The following COL23A1 variants were observed in gnomAD, a reference collection of about 807,000 sequenced individuals.
COL23A1 encodes the protein collagen type XXIII alpha 1 chain.
Under a neutral mutation model 99.3 loss-of-function variants are expected in COL23A1, and 97 were observed. The ratio of observed to expected loss-of-function variants is 0.98; its 90% CI spans 0.83 to 1.16. The LOEUF is 1.16. COL23A1 is among the 50% of genes most tolerant of loss of function. COL23A1 has a pLI of 0.00. For synonymous variants in COL23A1, 320 were observed against 308.2 expected (o/e 1.04, Z -0.40); for missense variants, 762 against 757.4 (o/e 1.01, Z -0.07).
intron 2 of COL23A1, among the ~76,000 whole-genome samples, chr5:178,554,367 C>T (rs1326913831): frequency 1.3e-5 from 2 of 152,018 alleles, no homozygotes; most frequent in South Asian, 2.1e-4. Flanking sequence ...TTAGTAGAGA[C>T]GGGGTTTCGC....
At chr5:178,495,370 A>G (rs1030290344) in intron 2 of COL23A1, among the ~76,000 whole-genome samples, 1 of 152,274 alleles carries the variant, frequency 6.6e-6, no homozygotes, top group African/African-American at 2.4e-5. Context: ...AGTCAAGGGC[A>G]TAGAGGATGG....
chr5:178,485,387 ATTGT>A (rs1348370016), intron 2 of COL23A1, among the ~76,000 whole-genome samples: 2 of 151,622 alleles, frequency 1.3e-5, no homozygotes, highest in Non-Finnish European at 2.9e-5. Context: ...AGGTGGGAGG[ATTGT>A]TTGAGCCCAG....
intron 2 of COL23A1, among the ~76,000 whole-genome samples, chr5:178,500,705 G>C (rs902092663): frequency 4.0e-5 from 6 of 148,888 alleles, no homozygotes; most frequent in African/African-American, 1.2e-4. Context: ...ATCAATTCCA[G>C]GTAGATAAAC....
In COL23A1 at chr5:178,242,202, A is replaced by T. The variant is rs572065247; in HGVS notation, c.1495-74T>A. On this transcript the variant is annotated intron_variant, in intron 26 of 28. Transcript: ENST00000390654. ...GAACCTCCAACATCTCTCCGAGAGA[A>T]GCGCGTGGGGCCAGCCTCCCCCTGC... 11 of 1,475,362 alleles carry T rather than the reference A, an allele frequency of 7.5e-6. No individual in the cohort carries two copies. In the African/African-American group the frequency reaches 1.5e-4, roughly 21 times the overall value. 91.4% of individuals were successfully genotyped at this position (1,475,362 alleles called of 1,614,324 possible). A position where few individuals can be genotyped will look rare whatever the true frequency, so the allele number is the denominator to read the frequency against.
intron 2 of COL23A1, among the ~76,000 whole-genome samples, chr5:178,409,323 T>C (rs902526216): frequency 6.6e-6 from 1 of 152,186 alleles, no homozygotes; most frequent in African/African-American, 2.4e-5. Context: ...ATGCCACACA[T>C]GGTATAATTC....
intron 25 of COL23A1, among the ~76,000 whole-genome samples, chr5:178,245,736 T>A (rs1019220511): frequency 4.6e-5 from 7 of 152,170 alleles, no homozygotes; most frequent in African/African-American, 1.7e-4. Context: ...TATCCATCCA[T>A]CAACAATCCA....
chr5:178,375,549 G>A (rs1039167516), intron 2 of COL23A1, among the ~76,000 whole-genome samples: 1 of 152,148 alleles, frequency 6.6e-6, no homozygotes. Context: ...GCGTGGTCCC[G>A]CCCTGCCCCT....
chr5:178,342,333 T>A (rs924044592), intron 2 of COL23A1, among the ~76,000 whole-genome samples: 1 of 152,192 alleles, frequency 6.6e-6, no homozygotes, highest in Admixed American at 6.5e-5. Context: ...CTGGCATCCT[T>A]TTTCTCAGGC....
At chr5:178,283,015 C>G (rs574967203) in intron 5 of COL23A1, among the ~76,000 whole-genome samples, 2 of 152,236 alleles carry the variant, frequency 1.3e-5, no homozygotes, top group South Asian at 2.1e-4. Flanking sequence ...GGACTACAGG[C>G]ATGTACCACC....
intron 2 of COL23A1, among the ~76,000 whole-genome samples, chr5:178,343,663 A>ATATATATT (rs1554141722): frequency 2.2e-5 from 3 of 134,372 alleles, no homozygotes; most frequent in African/African-American, 8.1e-5. Flanking sequence ...ATATATATAT[A>ATATATATT]TTTTTTTTTT....
At chr5:178,504,193 G>A (rs1033155683) in intron 2 of COL23A1, among the ~76,000 whole-genome samples, 1 of 151,866 alleles carries the variant, frequency 6.6e-6, no homozygotes, top group African/African-American at 2.4e-5. Context: ...CCATACAATC[G>A]CACCCCCGAC....
At chr5:178,273,112 CTG>C (rs1756387054) in intron 5 of COL23A1, among the ~76,000 whole-genome samples, 1 of 152,222 alleles carries the variant, frequency 6.6e-6, no homozygotes, top group South Asian at 2.1e-4. Flanking sequence ...TCGGAAACCT[CTG>C]TTAAATCCTC....
chr5:178,290,540 G>A (rs1757399398), intron 3 of COL23A1, among the ~76,000 whole-genome samples, 171 bp from the exon 4 acceptor site: 1 of 152,214 alleles, frequency 6.6e-6, no homozygotes, highest in African/African-American at 2.4e-5. Flanking sequence ...TGGGGGCAGA[G>A]CAGAAGGAGC....
At chr5:178,315,761 A>C (rs60208122) in intron 2 of COL23A1, among the ~76,000 whole-genome samples, 3,871 of 82,626 alleles carry the variant, frequency 0.047, 131 homozygotes, top group African/African-American at 0.14. Context: ...AGAAGCACTG[A>C]CTTTTTTTTT....
intron 2 of COL23A1, among the ~76,000 whole-genome samples, chr5:178,353,391 C>T (rs1372622514): frequency 6.6e-6 from 1 of 152,040 alleles, no homozygotes; most frequent in Non-Finnish European, 1.5e-5. Context: ...AAACACAAAA[C>T]CCCCCAAAGT....
At chr5:178,496,888 T>C (rs779896372) in intron 2 of COL23A1, among the ~76,000 whole-genome samples, 18 of 152,166 alleles carry the variant, frequency 1.2e-4, no homozygotes, top group Non-Finnish European at 2.4e-4. Flanking sequence ...AAATCTTACA[T>C]AAAAAACACA....
At chr5:178,532,704 T>C (rs550999659) in intron 2 of COL23A1, among the ~76,000 whole-genome samples, 23 of 152,284 alleles carry the variant, frequency 1.5e-4, no homozygotes, top group Admixed American at 9.8e-4. Context: ...ACTGTGATGA[T>C]GGCATTTGGA....
intron 2 of COL23A1, among the ~76,000 whole-genome samples, chr5:178,446,131 C>T (rs1412050130): frequency 1.3e-5 from 2 of 151,810 alleles, no homozygotes; most frequent in Admixed American, 6.6e-5. Flanking sequence ...ACACCCAGTA[C>T]AGGGGCGTTC....
chr5:178,360,754 C>T (rs1001752925), intron 2 of COL23A1, among the ~76,000 whole-genome samples: 24 of 152,220 alleles, frequency 1.6e-4, no homozygotes, highest in African/African-American at 4.1e-4. Context: ...TCATCCCACA[C>T]GGAGCAGGTG....
Sources: allele counts gnomAD v4.1 joint callset (sites outside exome capture counted in the v4.1 genomes callset), GRCh38; gene constraint gnomAD v4.1.1; transcripts MANE v1.5; gene names NCBI Gene and HGNC (gene_info 2026-07-23, HGNC 2026-07-21).